FGF12: variants seen among roughly 807,000 people sequenced by gnomAD.
FGF12 encodes the protein fibroblast growth factor 12B.
In FGF12, 14 loss-of-function variants were observed where a neutral mutation model predicts 23.6. That is an observed-to-expected ratio of 0.59 (90% CI 0.39 to 0.93). FGF12 has a LOEUF of 0.93. Among genes scored for constraint, FGF12 ranks in the 40% least tolerant of loss-of-function variants. The probability of loss-of-function intolerance (pLI) is 0.00; values close to 1 mark genes in which losing one functional copy is unlikely to be tolerated. For missense variants in FGF12, 175 were observed against 217.8 expected (o/e 0.80, Z 1.24); for synonymous variants, 62 against 77.3 (o/e 0.80, Z 1.04).
At chr3:192,263,549 GAA>G (rs35020572) in intron 4 of FGF12, among the ~76,000 whole-genome samples, 3 of 140,496 alleles carry the variant, frequency 2.1e-5, no homozygotes, top group South Asian at 2.3e-4. Flanking sequence ...AAAAAAGAGG[GAA>G]AAAAAAAAAA....
chr3:192,537,818 T>C (rs1725263173), intron 2 of FGF12, among the ~76,000 whole-genome samples: 1 of 152,180 alleles, frequency 6.6e-6, no homozygotes, highest in Admixed American at 6.5e-5. Flanking sequence ...ATTTGTCCAC[T>C]TTTGGTCTGG....
rs562431838 is a variant in FGF12 at position 192,376,203 on chromosome 3, ATC to A, written c.14-15667_14-15666del. Among the ~76,000 whole-genome samples the A allele has an allele frequency of 9.9e-5, 15 of 151,960 alleles. 1 individual carries two copies. Among genetic ancestry groups the A allele is most frequent in the Middle Eastern group, 6.8e-3 (2 of 294 alleles). On this transcript the variant is annotated intron_variant, in intron 2 of 5. Coordinates refer to ENST00000445105, the MANE Select transcript of FGF12 (RefSeq NM_004113.6). ...CTCACTCAATGTTTTCCATCTATTA[ATC>A]TCTCAGAAGAATTGATTTGTCTGCT...
At chr3:192,702,586 A>G (rs915677423) in intron 2 of FGF12, among the ~76,000 whole-genome samples, 10 of 152,136 alleles carry the variant, frequency 6.6e-5, no homozygotes, top group African/African-American at 2.4e-4. Context: ...TGAGTCCAGG[A>G]GTTTAAGATC....
chr3:192,518,837 T>C (rs896242767), intron 2 of FGF12, among the ~76,000 whole-genome samples: 2 of 152,096 alleles, frequency 1.3e-5, no homozygotes, highest in Non-Finnish European at 2.9e-5. Context: ...ATTTTAAAAT[T>C]TCTCTTCTTC....
At chr3:192,489,876 G>C (rs954189907) in intron 2 of FGF12, among the ~76,000 whole-genome samples, 2 of 151,780 alleles carry the variant, frequency 1.3e-5, no homozygotes, top group Non-Finnish European at 2.9e-5. Context: ...ATAACTAATG[G>C]GTAACAGGCT....
intron 3 of FGF12, among the ~76,000 whole-genome samples, chr3:192,340,822 A>G (rs942992793): frequency 3.9e-5 from 6 of 152,208 alleles, no homozygotes; most frequent in Admixed American, 3.9e-4. Context: ...AATGGATTAA[A>G]TAATTAAATG....
intron 2 of FGF12, among the ~76,000 whole-genome samples, chr3:192,517,982 AT>A (rs1234862509): frequency 6.6e-6 from 1 of 152,172 alleles, no homozygotes; most frequent in Non-Finnish European, 1.5e-5. Flanking sequence ...AACAAAAAAA[AT>A]AGCCAGGAGC....
chr3:192,282,962 T>C (rs1714236390), intron 4 of FGF12: 1 of 152,112 alleles, frequency 6.6e-6, no homozygotes, highest in Admixed American at 6.6e-5. Context: ...AATGGATGCC[T>C]TGTACTGTTG....
intron 2 of FGF12, among the ~76,000 whole-genome samples, chr3:192,674,789 G>A (rs1387561446): frequency 1.3e-5 from 2 of 152,140 alleles, no homozygotes; most frequent in Admixed American, 6.6e-5. Context: ...AAGAGAAAAT[G>A]TACTCTAAAC....
At chr3:192,697,505 C>T (rs1718162484) in intron 2 of FGF12, among the ~76,000 whole-genome samples, 3 of 152,108 alleles carry the variant, frequency 2.0e-5, no homozygotes. Flanking sequence ...ATTCAGGAGG[C>T]ACTTATTATT....
At chr3:192,267,214 T>C (rs900125617) in intron 4 of FGF12, 4 of 152,160 alleles carry the variant, frequency 2.6e-5, no homozygotes, top group Non-Finnish European at 2.9e-5. Context: ...ACAGGTTACA[T>C]AGTTGATTAA....
At chr3:192,307,762 A>G (rs1156999196) in intron 4 of FGF12, among the ~76,000 whole-genome samples, 1 of 152,200 alleles carries the variant, frequency 6.6e-6, no homozygotes, top group Non-Finnish European at 1.5e-5. Flanking sequence ...AAGATGAATC[A>G]TGCCTCTTTG....
intron 2 of FGF12, among the ~76,000 whole-genome samples, chr3:192,614,628 T>G (rs540300925): frequency 6.6e-6 from 1 of 152,160 alleles, no homozygotes; most frequent in African/African-American, 2.4e-5. Flanking sequence ...TTTAAAACTC[T>G]AATCCGTTTT....
At chr3:192,223,742 T>TATAAATGTATAATTTATAAATGTATAAA (rs1333931966) in intron 4 of FGF12, among the ~76,000 whole-genome samples, 1 of 152,130 alleles carries the variant, frequency 6.6e-6, no homozygotes, top group Non-Finnish European at 1.5e-5. Context: ...GTCAGTGCCC[T>TATAAATGTATAATTTATAAATGTATAAA]TGGGGAGCTA....
At chr3:192,476,998 G>C in intron 2 of FGF12, among the ~76,000 whole-genome samples, 1 of 152,212 alleles carries the variant, frequency 6.6e-6, no homozygotes, top group Non-Finnish European at 1.5e-5. Flanking sequence ...TACAAAAGAA[G>C]TGATTACAGA....
intron 4 of FGF12, among the ~76,000 whole-genome samples, chr3:192,221,794 C>G (rs1256318657): frequency 6.6e-6 from 1 of 152,028 alleles, no homozygotes; most frequent in Non-Finnish European, 1.5e-5. Context: ...ATTTAAGATA[C>G]AATCCTGTCT....
At chr3:192,499,352 G>A (rs1724051380) in intron 2 of FGF12, among the ~76,000 whole-genome samples, 1 of 150,892 alleles carries the variant, frequency 6.6e-6, no homozygotes, top group South Asian at 2.1e-4. Context: ...TGTACTAAGA[G>A]GTAAAAGTTC....
intron 2 of FGF12, among the ~76,000 whole-genome samples, chr3:192,423,216 T>C (rs1721589700): frequency 6.6e-6 from 1 of 152,148 alleles, no homozygotes; most frequent in Non-Finnish European, 1.5e-5. Context: ...TGTTGCATAA[T>C]TTGTGTAATT....
At chr3:192,207,736 G>A (rs1246138721) in intron 4 of FGF12, among the ~76,000 whole-genome samples, 1 of 152,198 alleles carries the variant, frequency 6.6e-6, no homozygotes, top group East Asian at 1.9e-4. Flanking sequence ...GCAGGGCAGT[G>A]AAATGAGTGG....
Sources: gnomAD v4.1 joint callset for allele counts (sites outside exome capture counted in the v4.1 genomes callset) on GRCh38, gnomAD v4.1.1 for gene constraint, MANE v1.5 for transcripts, NCBI Gene and HGNC (gene_info 2026-07-23, HGNC 2026-07-21) for gene names.